GTPBP8: variants seen among roughly 807,000 people sequenced by gnomAD.
GTPBP8 encodes the protein GTP binding protein 8.
GTPBP8 carries 21 observed loss-of-function variants against 27.3 expected under a neutral mutation model. That is an observed-to-expected ratio of 0.77 (90% confidence interval 0.55 to 1.11). The LOEUF is 1.11. GTPBP8 is among the 50% of genes least tolerant of loss of function. GTPBP8 has a pLI of 0.00. For synonymous variants in GTPBP8, 147 were observed against 135.3 expected, an observed-to-expected ratio of 1.09 and a Z score of -0.60; for missense variants, 380 against 350.8, an observed-to-expected ratio of 1.08 and a Z score of -0.67.
At position 112,991,298 on chromosome 3, in the gene GTPBP8, T is replaced by G. The variant is rs146180102; in HGVS notation, c.299T>G (p.Val100Gly). 6.6e-5 allele frequency: 107 copies of G among 1,613,658 alleles called. No individual in the cohort carries two copies. The highest frequency in any genetic ancestry group is 3.5e-4 in the Admixed American group (21 of 60,018). The change falls in exon 1 of 6, where the codon GTC becomes GGC. Residue 100 changes from valine to glycine, a missense_variant. Physicochemically the swap from Val to Gly is moderately radical, Grantham distance 109. Transcript: ENST00000383678. ...CGCATCGACTACGTCAGCTCCGCCG[T>G]CCGTATCGACCACGCCCCGGACCTT... Reference protein sequence around the residue: ...RNRIDYVSSAVRIDHAPDLPR... With the variant: ...RNRIDYVSSAGRIDHAPDLPR...
intron 4 of GTPBP8, among the ~76,000 whole-genome samples, chr3:112,999,066 A>AT (rs1189659543): frequency 6.6e-6 from 1 of 152,220 alleles, no homozygotes; most frequent in Non-Finnish European, 1.5e-5. Context: ...ATGATTACAA[A>AT]TTGGCAATTT....
intron 1 of GTPBP8, chr3:112,991,649 A>G: frequency 1.9e-6 from 1 of 535,544 alleles, no homozygotes; most frequent in Non-Finnish European, 3.5e-6. Flanking sequence ...AGAAGACTTC[A>G]AAATGCTTTA....
In GTPBP8 at chr3:112,996,945, A is replaced by C; in HGVS notation, c.620A>C (p.Asp207Ala). 1 of 1,582,362 alleles carries C rather than the reference A, an allele frequency of 6.3e-7. No homozygotes were observed. Among genetic ancestry groups the C allele is most frequent in the Non-Finnish European group, 8.7e-7 (1 of 1,152,138 alleles). Residue 207 changes from aspartate (D) to alanine (A), a missense_variant, in exon 4 of 6, where the codon GAC becomes GCC. Transcript: ENST00000383678. ...VDSVVGIQKT[D>A]NIAIEMCEEF... ...AGCGTTGTTGGAATTCAAAAAACAG[A>C]CAATATTGCCATAGAAATGTGTGAA...
chr3:112,991,609 A>G (rs2107364341), intron 1 of GTPBP8: 2 of 643,332 alleles, frequency 3.1e-6, no homozygotes, highest in East Asian at 6.4e-5. Context: ...GACTGCCTGT[A>G]TACAGCTTAA....
rs373717333 is a variant in GTPBP8, at chr3:113,000,877, G to A, written c.813G>A (p.Leu271=). ...VSAVTFSGIH[L]LRCFIASVTG... Reference sequence around the variant, plus strand: ...CTGTGACCTTTTCTGGAATCCACCTGTTGAGATGCTTTATAGCCAGTGTAA... The same window carrying A: ...CTGTGACCTTTTCTGGAATCCACCTATTGAGATGCTTTATAGCCAGTGTAA... The change falls in exon 6 of 6, where the codon CTG becomes CTA. Residue 271 remains leucine (L), a synonymous_variant. Coordinates refer to ENST00000383678, the MANE Select transcript of GTPBP8 (RefSeq NM_014170.4). The A allele has an allele frequency of 5.1e-5, 82 of 1,599,878 alleles. No individual in the cohort carries two copies. Among genetic ancestry groups the A allele is most frequent in the Middle Eastern group, 1.7e-4 (1 of 6,002 alleles).
chr3:112,999,738 T>C (rs1933856405), intron 5 of GTPBP8, among the ~76,000 whole-genome samples, 174 bp downstream of exon 5: 1 of 152,196 alleles, frequency 6.6e-6, no homozygotes, highest in African/African-American at 2.4e-5. Context: ...GTGTACACTG[T>C]ACCCTATGTG....
At position 112,992,907 on chromosome 3, in the gene GTPBP8, C is replaced by T. The variant is rs937391247; in HGVS notation, c.337-119C>T. 6.9e-6 allele frequency: 4 copies of T among 579,734 alleles called. No homozygotes were observed. The South Asian group carries it at 1.0e-4, about 15-fold the overall frequency. 35.9% of individuals were successfully genotyped at this position (579,734 alleles called of 1,614,324 possible). A position where few individuals can be genotyped will look rare whatever the true frequency, so the allele number is the denominator to read the frequency against. On this transcript the variant is annotated intron_variant, in intron 1 of 5. Transcript: ENST00000383678. Reference sequence around the variant, plus strand: ...TATATGCTGAATGCTTAAAATAGTACCTGGCACATTTAATTCATTCAATAA... The same window carrying T: ...TATATGCTGAATGCTTAAAATAGTATCTGGCACATTTAATTCATTCAATAA...
At chr3:112,993,554 C>G (rs1327971271) in intron 2 of GTPBP8, among the ~76,000 whole-genome samples, 2 of 152,170 alleles carry the variant, frequency 1.3e-5, no homozygotes, top group East Asian at 3.8e-4. Flanking sequence ...TTCTTATGTG[C>G]TTGTTTTCCT....
At chr3:113,000,679 T>A (rs1274159083) in intron 5 of GTPBP8, among the ~76,000 whole-genome samples, 171 bp from the exon 6 acceptor site, 2 of 152,112 alleles carry the variant, frequency 1.3e-5, no homozygotes, top group Non-Finnish European at 1.5e-5. Context: ...ATCATCAGAT[T>A]TTAGAATACT....
chr3:112,993,640 A>G (rs1215059756), intron 2 of GTPBP8, among the ~76,000 whole-genome samples: 1 of 152,174 alleles, frequency 6.6e-6, no homozygotes, highest in Admixed American at 6.5e-5. Context: ...GTCTCTGCCA[A>G]TATCTAAGAT....
intron 4 of GTPBP8, among the ~76,000 whole-genome samples, chr3:112,997,986 A>T (rs760383544): frequency 6.6e-6 from 1 of 152,214 alleles, no homozygotes; most frequent in African/African-American, 2.4e-5. Context: ...TTATATCTGT[A>T]TCTCCTTTTA....
intron 1 of GTPBP8, among the ~76,000 whole-genome samples, chr3:112,992,738 GA>G (rs1174158905): frequency 6.6e-6 from 1 of 152,182 alleles, no homozygotes; most frequent in Non-Finnish European, 1.5e-5. Context: ...TAAAAGCACA[GA>G]TTCTAGATAT....
intron 3 of GTPBP8, 66 bp from the exon 4 acceptor site, chr3:112,996,826 G>T: frequency 1.3e-6 from 1 of 761,978 alleles, no homozygotes; most frequent in South Asian, 1.4e-5. Context: ...GTACAGTAAG[G>T]AAGAGGGGAT....
chr3:112,994,812 A>T (rs1006640678), intron 2 of GTPBP8, among the ~76,000 whole-genome samples: 1 of 152,240 alleles, frequency 6.6e-6, no homozygotes, highest in Non-Finnish European at 1.5e-5. Context: ...CACAATTTAG[A>T]ACAGGGTGAA....
intron 3 of GTPBP8, among the ~76,000 whole-genome samples, 164 bp downstream of exon 3, chr3:112,995,429 A>G (rs1156573653): frequency 6.6e-6 from 1 of 152,198 alleles, no homozygotes; most frequent in East Asian, 1.9e-4. Context: ...TTTAGGACCA[A>G]GGTATATACT....
intron 4 of GTPBP8, among the ~76,000 whole-genome samples, chr3:112,998,462 T>A (rs1457169210): frequency 6.6e-6 from 1 of 152,084 alleles, no homozygotes; most frequent in African/African-American, 2.4e-5. Context: ...ATGCCACCCT[T>A]TGGAAACCTA....
intron 4 of GTPBP8, 106 bp downstream of exon 4, chr3:112,997,097 TAAAGG>T: frequency 1.6e-6 from 1 of 637,180 alleles, no homozygotes; most frequent in Non-Finnish European, 2.8e-6. Flanking sequence ...CCTCAAAAGA[TAAAGG>T]AGAGTGCCTT....
In GTPBP8 at chr3:112,991,332, AGAG is replaced by A; in HGVS notation, c.335_336+1del. 6.2e-7 allele frequency: 1 copy of A among 1,613,154 alleles called. No individual in the cohort carries two copies. Among genetic ancestry groups the A allele is most frequent in the African/African-American group, 1.3e-5 (1 of 75,068 alleles). ...ACCACGCCCCGGACCTTCCGCGGCC[AGAG>A]GTGAGAGGCGATTCTCACGGTTCAC... On this transcript the variant is annotated inframe_deletion and splice_region_variant, in exon 1 of 6. Coordinates refer to ENST00000383678, the MANE Select transcript of GTPBP8 (RefSeq NM_014170.4).
At chr3:112,999,666 G>GATC in intron 5 of GTPBP8, 102 bp downstream of exon 5, 1 of 621,868 alleles carries the variant, frequency 1.6e-6, no homozygotes. Context: ...CAGGTTTTTG[G>GATC]TTGCATGGAA....
Sources: gnomAD v4.1 joint callset for allele counts (sites outside exome capture counted in the v4.1 genomes callset) on GRCh38, gnomAD v4.1.1 for gene constraint, MANE v1.5 for transcripts, NCBI Gene and HGNC (gene_info 2026-07-23, HGNC 2026-07-21) for gene names.